Variants in PTPRD observed in about 807,000 individuals in gnomAD.
The protein encoded by PTPRD is receptor-type tyrosine-protein phosphatase delta.
In PTPRD, 34 loss-of-function variants were observed where a neutral mutation model predicts 214.5. That is an observed-to-expected ratio of 0.16 (90% CI 0.12 to 0.21). PTPRD has a LOEUF of 0.21. Ranked by LOEUF, PTPRD falls within the 10% of genes least tolerant of loss-of-function variation. The pLI is 1.00. For synonymous variants in PTPRD, 1,128 were observed against 845.7 expected (o/e 1.33, Z -5.79); for missense variants, 2,545 against 2,398.7 (o/e 1.06, Z -1.27).
At chr9:9,322,817 G>T (rs1427902124) in intron 9 of PTPRD, among the ~76,000 whole-genome samples, 1 of 152,196 alleles carries the variant, frequency 6.6e-6, no homozygotes, top group African/African-American at 2.4e-5. Flanking sequence ...TACTATACTG[G>T]CATGTAAGCA....
At chr9:8,482,926 C>G (rs1338970822) in intron 30 of PTPRD, among the ~76,000 whole-genome samples, 1 of 152,204 alleles carries the variant, frequency 6.6e-6, no homozygotes, top group Non-Finnish European at 1.5e-5. Context: ...TTTATTGACC[C>G]ATTCTGAATT....
At chr9:9,165,998 A>G (rs67346842) in intron 10 of PTPRD, among the ~76,000 whole-genome samples, 11,423 of 152,126 alleles carry the variant, frequency 0.075, 462 homozygotes, top group Middle Eastern at 0.14. Context: ...ATCCTGTCCC[A>G]AATATAAATT....
intron 3 of PTPRD, among the ~76,000 whole-genome samples, chr9:10,225,493 GA>G (rs2099585824): frequency 6.6e-6 from 1 of 152,028 alleles, no homozygotes; most frequent in South Asian, 2.1e-4. Context: ...ATATGAGGAT[GA>G]AAAGTTGGCA....
intron 2 of PTPRD, among the ~76,000 whole-genome samples, chr9:10,434,400 T>C (rs1212491410): frequency 6.6e-6 from 1 of 151,938 alleles, no homozygotes; most frequent in Non-Finnish European, 1.5e-5. Context: ...TATAGTCAAC[T>C]CTTAAGAAAA....
In PTPRD at chr9:9,901,333, C is replaced by T. The variant is rs148413996; in HGVS notation, c.-368+37174G>A. ...AAACTATTAGACCTTCGATGTTCAA[C>T]CTCCTGAAATAGTGCTTAAAACCTA... On this transcript the variant is annotated intron_variant, in intron 5 of 45. Transcript: ENST00000381196. Among the ~76,000 whole-genome samples the T allele has an allele frequency of 2.4e-3, 365 of 152,234 alleles. 1 individual carries two copies. The highest frequency in any genetic ancestry group is 8.6e-3 in the African/African-American group (358 of 41,558).
chr9:9,379,513 C>T (rs78907733), intron 9 of PTPRD, among the ~76,000 whole-genome samples: 4,904 of 151,904 alleles, frequency 0.032, 291 homozygotes, highest in African/African-American at 0.11. Context: ...TTCTGTTTGC[C>T]ATTCTGGATA....
chr9:10,261,305 G>A (rs1404968556), intron 3 of PTPRD, among the ~76,000 whole-genome samples: 1 of 151,644 alleles, frequency 6.6e-6, no homozygotes, highest in Non-Finnish European at 1.5e-5. Context: ...AAAAAGAAAT[G>A]CTCTATGTCA....
At chr9:10,517,812 T>A (rs1309240072) in intron 2 of PTPRD, among the ~76,000 whole-genome samples, 1 of 152,124 alleles carries the variant, frequency 6.6e-6, no homozygotes, top group Non-Finnish European at 1.5e-5. Context: ...TCCATTGACA[T>A]AATATTCATT....
At chr9:9,615,699 G>A (rs2094818425) in intron 7 of PTPRD, among the ~76,000 whole-genome samples, 1 of 152,118 alleles carries the variant, frequency 6.6e-6, no homozygotes. Flanking sequence ...TATCATAAGG[G>A]CTACTACTTA....
At chr9:9,069,408 G>C (rs1311270869) in intron 10 of PTPRD, among the ~76,000 whole-genome samples, 1 of 152,206 alleles carries the variant, frequency 6.6e-6, no homozygotes, top group Non-Finnish European at 1.5e-5. Context: ...ACTAGAATGA[G>C]CTGGTTTGGG....
intron 8 of PTPRD, among the ~76,000 whole-genome samples, chr9:9,456,406 A>G (rs973710170): frequency 6.6e-6 from 1 of 151,876 alleles, no homozygotes; most frequent in African/African-American, 2.4e-5. Flanking sequence ...AAACCATTCA[A>G]TTCCTCCCAA....
chr9:8,528,771 T>C lies in PTPRD; in HGVS notation c.361A>G (p.Ile121Val). ...TRLTVLREDQ[I>V]PRGFPTIDMG... ...TCAATGGTAGGGAAGCCCCTGGGAATTTGATCTTCTGCAAGACAAAAGGTG... is the reference window on the plus strand; with the variant it reads ...TCAATGGTAGGGAAGCCCCTGGGAACTTGATCTTCTGCAAGACAAAAGGTG... The change falls in exon 15 of 46, where the codon ATT becomes GTT. Residue 121 changes from isoleucine to valine, a missense_variant. By Grantham distance (29) the Ile-to-Val change is conservative. Transcript: ENST00000381196. The C allele has an allele frequency of 6.2e-7, 1 of 1,613,228 alleles. No homozygotes were observed. The highest frequency in any genetic ancestry group is 8.5e-7 in the Non-Finnish European group (1 of 1,179,532).
At chr9:9,699,823 T>C (rs1355413509) in intron 7 of PTPRD, among the ~76,000 whole-genome samples, 2 of 152,180 alleles carry the variant, frequency 1.3e-5, no homozygotes, top group African/African-American at 4.8e-5. Flanking sequence ...AATTAGTCTG[T>C]CTAGAAAAGC....
At chr9:9,037,628 G>A (rs1324092444) in intron 10 of PTPRD, among the ~76,000 whole-genome samples, 2 of 152,140 alleles carry the variant, frequency 1.3e-5, no homozygotes, top group Admixed American at 6.6e-5. Context: ...AAGGGCTTAA[G>A]GTAAAAGTAC....
chr9:9,653,146 T>C (rs2096410072), intron 7 of PTPRD, among the ~76,000 whole-genome samples: 2 of 149,576 alleles, frequency 1.3e-5, no homozygotes, highest in Admixed American at 1.3e-4. Flanking sequence ...ATCGAGACCA[T>C]CCTGGCTAAC....
chr9:10,280,705 G>C (rs959324288), intron 3 of PTPRD, among the ~76,000 whole-genome samples: 20 of 152,150 alleles, frequency 1.3e-4, no homozygotes, highest in African/African-American at 4.1e-4. Flanking sequence ...CAACCTCCTA[G>C]ATTCAAGTGT....
intron 3 of PTPRD, among the ~76,000 whole-genome samples, chr9:10,337,842 C>G (rs894568518): frequency 6.6e-6 from 1 of 151,640 alleles, no homozygotes; most frequent in Non-Finnish European, 1.5e-5. Context: ...CACAATTTTA[C>G]CCGTATAACA....
chr9:9,944,303 G>T (rs1369318503), intron 4 of PTPRD, among the ~76,000 whole-genome samples: 2 of 152,058 alleles, frequency 1.3e-5, no homozygotes, highest in Non-Finnish European at 2.9e-5. Context: ...GAGTAGTAAG[G>T]TATCCAGTGT....
At chr9:8,881,602 A>C (rs2098446772) in intron 11 of PTPRD, among the ~76,000 whole-genome samples, 1 of 152,218 alleles carries the variant, frequency 6.6e-6, no homozygotes, top group Non-Finnish European at 1.5e-5. Flanking sequence ...ACCATAATTC[A>C]ACGTACGTGT....
Sources: allele counts gnomAD v4.1 joint callset (sites outside exome capture counted in the v4.1 genomes callset), GRCh38; gene constraint gnomAD v4.1.1; transcripts MANE v1.5; gene names NCBI Gene and HGNC (gene_info 2026-07-23, HGNC 2026-07-21).